The following INPP4B variants were observed in gnomAD, a reference collection of about 807,000 sequenced individuals.
INPP4B encodes the protein inositol polyphosphate 4-phosphatase type II.
INPP4B carries 55 observed loss-of-function variants against 122.5 expected under a neutral mutation model. The observed-to-expected ratio is 0.45, with a 90% CI of 0.36 to 0.56. INPP4B has a LOEUF of 0.56. Among genes scored for constraint, INPP4B ranks in the 20% least tolerant of loss-of-function variants. The pLI is 0.00. For missense variants in INPP4B, 1,000 were observed against 1,097.7 expected (o/e 0.91, Z 1.26); for synonymous variants, 403 against 388.7 (o/e 1.04, Z -0.43).
chr4:142,196,048 T>C (rs1838075629), intron 14 of INPP4B, among the ~76,000 whole-genome samples: 2 of 152,130 alleles, frequency 1.3e-5, no homozygotes, highest in Non-Finnish European at 2.9e-5. Flanking sequence ...CATTTTGAAA[T>C]AGAAGGTAAA....
At chr4:142,551,651 AGTTCT>A (rs1728007461) in intron 2 of INPP4B, among the ~76,000 whole-genome samples, 1 of 152,172 alleles carries the variant, frequency 6.6e-6, no homozygotes, top group Admixed American at 6.6e-5. Context: ...ATAAGTGTTG[AGTTCT>A]GTTCTGTGTT....
chr4:142,275,922 A>G (rs986313310), intron 9 of INPP4B, among the ~76,000 whole-genome samples: 2 of 151,658 alleles, frequency 1.3e-5, no homozygotes, highest in Admixed American at 6.6e-5. Flanking sequence ...AGAACTCCAA[A>G]TTCCCTTTAT....
intron 2 of INPP4B, among the ~76,000 whole-genome samples, chr4:142,711,715 T>C (rs1026978886): frequency 6.6e-6 from 1 of 152,174 alleles, no homozygotes; most frequent in Non-Finnish European, 1.5e-5. Context: ...GATTAAGTCA[T>C]GAGGACAGAG....
intron 1 of INPP4B, among the ~76,000 whole-genome samples, chr4:142,803,790 TA>T (rs1197679041): frequency 6.6e-6 from 1 of 152,000 alleles, no homozygotes; most frequent in African/African-American, 2.4e-5. Flanking sequence ...ACTATCAATG[TA>T]AAAATCCTTG....
chr4:142,643,037 A>G (rs1030296447), intron 2 of INPP4B, among the ~76,000 whole-genome samples: 2 of 152,142 alleles, frequency 1.3e-5, no homozygotes, highest in Non-Finnish European at 2.9e-5. Flanking sequence ...GCAATTGTGA[A>G]TGGGAGTTCA....
intron 2 of INPP4B, among the ~76,000 whole-genome samples, chr4:142,687,516 T>C (rs1282569491): frequency 2.2e-5 from 3 of 139,164 alleles, no homozygotes. Context: ...GCAGGAATAG[T>C]GAGGCCACTA....
intron 2 of INPP4B, among the ~76,000 whole-genome samples, chr4:142,656,541 T>C (rs115151910): frequency 0.014 from 2,137 of 152,258 alleles, 47 homozygotes; most frequent in African/African-American, 0.04. Flanking sequence ...AGCTCCCTGC[T>C]TTGCTGGGGC....
At chr4:142,806,111 G>C (rs375537260) in intron 1 of INPP4B, among the ~76,000 whole-genome samples, 7 of 151,684 alleles carry the variant, frequency 4.6e-5, no homozygotes, top group Admixed American at 2.0e-4. Flanking sequence ...AACCCCGTCT[G>C]TACTAAAAAT....
At chr4:142,351,847 G>C (rs1208326033) in intron 7 of INPP4B, among the ~76,000 whole-genome samples, 1 of 151,904 alleles carries the variant, frequency 6.6e-6, no homozygotes, top group Non-Finnish European at 1.5e-5. Flanking sequence ...ATAATAAATG[G>C]TCATGATCTG....
chr4:142,049,220 G>A (rs1753170567), intron 25 of INPP4B, among the ~76,000 whole-genome samples: 1 of 152,028 alleles, frequency 6.6e-6, no homozygotes, highest in Non-Finnish European at 1.5e-5. Context: ...CAGGCAATCT[G>A]ACCTGTTGTT....
chr4:142,655,385 A>G (rs1025616652), intron 2 of INPP4B, among the ~76,000 whole-genome samples: 14 of 152,132 alleles, frequency 9.2e-5, no homozygotes, highest in Admixed American at 1.3e-4. Flanking sequence ...GGAGCATATC[A>G]TTATTTCAAT....
chr4:142,687,103 T>C (rs2150706508), intron 2 of INPP4B, among the ~76,000 whole-genome samples: 1 of 152,070 alleles, frequency 6.6e-6, no homozygotes, highest in East Asian at 2.0e-4. Context: ...GACTTTTTTA[T>C]TGGAAGCTAT....
intron 2 of INPP4B, among the ~76,000 whole-genome samples, chr4:142,481,422 A>C (rs1820528155): frequency 6.6e-6 from 1 of 152,160 alleles, no homozygotes; most frequent in Admixed American, 6.6e-5. Flanking sequence ...AACTCTATCC[A>C]TGCTTCTGAG....
rs1386161931 is a variant in INPP4B, at chr4:142,028,702, A to AAAAC, written c.*76_*79dup. On this transcript the variant is annotated 3_prime_UTR_variant, in exon 26 of 26. Transcript: ENST00000262992. ...CCCCCACCACAAATTCATGACAATA[A>AAAAC]AAACAAACAAAAAAGACCAAGGTGA... The AAAAC allele has an allele frequency of 9.6e-6, 14 of 1,463,728 alleles. No homozygotes were observed. The highest frequency in any genetic ancestry group is 1.8e-4 in the Middle Eastern group (1 of 5,508). 90.7% of individuals were successfully genotyped at this position (1,463,728 alleles called of 1,614,324 possible).
intron 2 of INPP4B, among the ~76,000 whole-genome samples, chr4:142,615,116 T>C (rs1743416010): frequency 6.6e-6 from 1 of 152,078 alleles, no homozygotes; most frequent in Admixed American, 6.6e-5. Flanking sequence ...CACTATTCAT[T>C]TTTTATTTGT....
At chr4:142,671,428 T>G (rs1756980868) in intron 2 of INPP4B, among the ~76,000 whole-genome samples, 1 of 152,144 alleles carries the variant, frequency 6.6e-6, no homozygotes, top group Non-Finnish European at 1.5e-5. Context: ...CACTGTGTAT[T>G]TTCCTGCCTC....
At chr4:142,495,561 C>T (rs528231276) in intron 2 of INPP4B, among the ~76,000 whole-genome samples, 10 of 151,964 alleles carry the variant, frequency 6.6e-5, no homozygotes, top group African/African-American at 2.4e-4. Flanking sequence ...TGGTAGCCAC[C>T]TTCTGCCTGT....
At chr4:142,641,828 C>T (rs866979234) in intron 2 of INPP4B, among the ~76,000 whole-genome samples, 1 of 152,084 alleles carries the variant, frequency 6.6e-6, no homozygotes. Flanking sequence ...TTCTAGATCC[C>T]TGAGGAATCA....
chr4:142,172,741 T>C (rs1393516927), intron 16 of INPP4B, among the ~76,000 whole-genome samples: 1 of 152,018 alleles, frequency 6.6e-6, no homozygotes, highest in Non-Finnish European at 1.5e-5. Flanking sequence ...AGATCCAGGT[T>C]TCTATGAATC....
Sources: gnomAD v4.1 joint callset for allele counts (sites outside exome capture counted in the v4.1 genomes callset) on GRCh38, gnomAD v4.1.1 for gene constraint, MANE v1.5 for transcripts, NCBI Gene and HGNC (gene_info 2026-07-23, HGNC 2026-07-21) for gene names.